Variants in GSAP observed in about 807,000 individuals in gnomAD.
The protein encoded by GSAP is gamma-secretase-activating protein.
Under a neutral mutation model 131.7 loss-of-function variants are expected in GSAP, and 118 were observed. The ratio of observed to expected loss-of-function variants is 0.90; its 90% CI spans 0.77 to 1.04. The LOEUF (loss-of-function observed/expected upper bound fraction) is 1.04, where lower values mean the gene tolerates loss of function less well. Among genes scored for constraint, GSAP ranks in the 50% least tolerant of loss-of-function variants. The pLI is 0.00. For missense variants in GSAP, 1,019 were observed against 1,013.2 expected (o/e 1.01, Z -0.08); for synonymous variants, 381 against 363.4 (o/e 1.05, Z -0.55).
intron 12 of GSAP, among the ~76,000 whole-genome samples, chr7:77,372,404 CG>C (rs1336174363): frequency 6.6e-6 from 1 of 152,052 alleles, no homozygotes; most frequent in African/African-American, 2.4e-5. Flanking sequence ...ACACACATGA[CG>C]TTTTTCAAGA....
intron 26 of GSAP, among the ~76,000 whole-genome samples, chr7:77,317,766 C>T (rs1431735591): frequency 6.6e-6 from 1 of 152,158 alleles, no homozygotes; most frequent in African/African-American, 2.4e-5. Context: ...AAATCTAAAA[C>T]TGTCAATCCA....
At chr7:77,413,133 T>A (rs1252026866) in intron 1 of GSAP, among the ~76,000 whole-genome samples, 2 of 152,060 alleles carry the variant, frequency 1.3e-5, no homozygotes. Context: ...CAGGGAGTGC[T>A]CAGGAAAGTG....
At chr7:77,407,208 C>T (rs747720675) in intron 1 of GSAP, among the ~76,000 whole-genome samples, 2 of 152,158 alleles carry the variant, frequency 1.3e-5, no homozygotes. Context: ...ATTAGCAACC[C>T]TTTATTCATT....
intron 8 of GSAP, 37 bp downstream of exon 8, chr7:77,381,268 A>G: frequency 1.6e-6 from 2 of 1,279,598 alleles, no homozygotes; most frequent in Non-Finnish European, 2.2e-6. Flanking sequence ...GTGGGGAAAA[A>G]AAAACCTATG....
In GSAP at chr7:77,406,087, TA is replaced by T; in HGVS notation, c.127del (p.Tyr43MetfsTer7). 1 of 1,225,612 alleles carries T rather than the reference TA, an allele frequency of 8.2e-7. No individual in the cohort carries two copies. The highest frequency in any genetic ancestry group is 1.1e-6 in the Non-Finnish European group (1 of 927,622). The allele number at this position is 1,225,612 out of a possible 1,614,324, so 75.9% of individuals were successfully genotyped here. A position where few individuals can be genotyped will look rare whatever the true frequency, so the allele number is the denominator to read the frequency against. ...SGGADVLEND[Y>X]ESLHVLNVER... is the part of the protein sequence containing the mutation. ...AACATTTAATACATGTAAGCTCTCA[TA>T]ATCGTTTTCTAAAACATCTGAAATG... On this transcript the variant is annotated frameshift_variant, in exon 2 of 31. Coordinates refer to ENST00000257626, the MANE Select transcript of GSAP (RefSeq NM_017439.4). LOFTEE classifies it high-confidence loss of function.
At chr7:77,401,223 G>C (rs1419815373) in intron 3 of GSAP, among the ~76,000 whole-genome samples, 1 of 152,024 alleles carries the variant, frequency 6.6e-6, no homozygotes, top group African/African-American at 2.4e-5. Flanking sequence ...AATTTGGCAA[G>C]AGACTACAGA....
chr7:77,348,160 C>A (rs1006750282), intron 19 of GSAP, among the ~76,000 whole-genome samples: 1 of 151,916 alleles, frequency 6.6e-6, no homozygotes, highest in Non-Finnish European at 1.5e-5. Context: ...CAAAGAGAGA[C>A]CCCATCTCTA....
intron 19 of GSAP, among the ~76,000 whole-genome samples, chr7:77,334,579 T>TAAAAAA (rs1200040086): frequency 9.7e-5 from 8 of 82,400 alleles, no homozygotes; most frequent in African/African-American, 2.4e-4. Flanking sequence ...AACTTAAAAT[T>TAAAAAA]TAAAAAAAAA....
Position 77,331,273 on chromosome 7 carries a change from C to G in GSAP, c.1546-906G>C, listed in dbSNP as rs1789115007. ...CTGAGATCATGCCACTGCACTCCAG[C>G]CTGGGTGACAGAGCGAGACTCCGTC... On this transcript the variant is annotated intron_variant, in intron 19 of 30. Coordinates refer to ENST00000257626, the MANE Select transcript of GSAP (RefSeq NM_017439.4). Among the ~76,000 whole-genome samples, 7 of 152,282 alleles carry G rather than the reference C, an allele frequency of 4.6e-5. No individual in the cohort carries two copies. In the South Asian group the frequency reaches 1.4e-3, roughly 32 times the overall value.
chr7:77,365,334 G>A (rs1257863504), intron 12 of GSAP, among the ~76,000 whole-genome samples: 1 of 152,022 alleles, frequency 6.6e-6, no homozygotes, highest in East Asian at 1.9e-4. Flanking sequence ...TCATCACCCA[G>A]CTATTAAGCC....
chr7:77,319,887 A>G (rs1467226721), intron 26 of GSAP, among the ~76,000 whole-genome samples: 1 of 152,208 alleles, frequency 6.6e-6, no homozygotes, highest in Non-Finnish European at 1.5e-5. Context: ...GGAGTAGGGG[A>G]TAAGTAATTG....
chr7:77,314,600 G>C (rs1178616832), intron 26 of GSAP, 111 bp from the exon 27 acceptor site: 2 of 1,142,444 alleles, frequency 1.8e-6, no homozygotes, highest in Non-Finnish European at 2.5e-6. Flanking sequence ...TTGGTGCCTG[G>C]AACCAACTGA....
intron 26 of GSAP, 89 bp downstream of exon 26, chr7:77,320,636 T>C (rs997221974): frequency 9.0e-6 from 7 of 777,782 alleles, no homozygotes; most frequent in Non-Finnish European, 1.5e-5. Context: ...ACAAGTCTCA[T>C]CATCAAACTT....
At chr7:77,355,780 A>T in intron 14 of GSAP, 133 bp from the exon 15 acceptor site, 1 of 392,858 alleles carries the variant, frequency 2.5e-6, no homozygotes, top group Non-Finnish European at 4.4e-6. Context: ...CTATCTAATG[A>T]CAGCCCGTTT....
chr7:77,335,946 G>A (rs778187734), intron 19 of GSAP, among the ~76,000 whole-genome samples: 2 of 152,208 alleles, frequency 1.3e-5, no homozygotes, highest in Non-Finnish European at 2.9e-5. Flanking sequence ...AATAGAAAAT[G>A]TTTGTGTGTA....
intron 23 of GSAP, among the ~76,000 whole-genome samples, chr7:77,325,384 C>T (rs1216210016): frequency 3.3e-5 from 5 of 152,104 alleles, no homozygotes; most frequent in Non-Finnish European, 7.4e-5. Context: ...TTCTTAAGTC[C>T]ACATGGTATT....
chr7:77,332,105 C>G (rs1789250108), intron 19 of GSAP, among the ~76,000 whole-genome samples: 1 of 152,120 alleles, frequency 6.6e-6, no homozygotes, highest in Non-Finnish European at 1.5e-5. Context: ...CCCACCCACG[C>G]AGTTCACCCA....
At chr7:77,415,745 G>C (rs1804278432) in intron 1 of GSAP, 1 of 154,092 alleles carries the variant, frequency 6.5e-6, no homozygotes, top group Non-Finnish European at 1.4e-5. Context: ...CTGTTCCACC[G>C]TTAGGTATAG....
rs1248828200 is a variant in GSAP at position 77,355,639 on chromosome 7, C to T, written c.1036G>A (p.Val346Met). 1.9e-6 allele frequency: 3 copies of T among 1,561,174 alleles called. No homozygotes were observed. The highest frequency in any genetic ancestry group is 1.4e-5 in the African/African-American group (1 of 74,002). The part of the protein sequence containing the change: ...GITFLNLDYY[V>M]AVYLPGHFFH... ...AAATGACCAGGTAAGTAAACAGCCA[C>T]ATAATAGTCTATAGAAGAGAAAGAT... Residue 346 changes from valine (V) to methionine (M), a missense_variant, in exon 15 of 31, where the codon GTG (valine) becomes ATG (methionine). By Grantham distance (21) the Val-to-Met change is conservative. Transcript: ENST00000257626.
Sources: allele counts gnomAD v4.1 joint callset (sites outside exome capture counted in the v4.1 genomes callset), GRCh38; gene constraint gnomAD v4.1.1; transcripts MANE v1.5; gene names NCBI Gene and HGNC (gene_info 2026-07-23, HGNC 2026-07-21).